TBC1D22A: variants seen among roughly 807,000 people sequenced by gnomAD.
The protein encoded by TBC1D22A is putative GTPase activator.
Under a neutral mutation model 60.2 loss-of-function variants are expected in TBC1D22A, and 38 were observed. The observed-to-expected ratio is 0.63, with a 90% confidence interval of 0.49 to 0.83. The LOEUF (loss-of-function observed/expected upper bound fraction) is 0.83, where lower values mean the gene tolerates loss of function less well. TBC1D22A is among the 40% of genes least tolerant of loss of function. The pLI is 0.00. For synonymous variants in TBC1D22A, 302 were observed against 281.7 expected (o/e 1.07, Z -0.72); for missense variants, 628 against 701.0 (o/e 0.90, Z 1.18).
rs147286236 is a variant in TBC1D22A at position 47,033,598 on chromosome 22, G to A, written c.1202-3473G>A. On this transcript the variant is annotated intron_variant, in intron 10 of 12. Coordinates refer to ENST00000337137, the MANE Select transcript of TBC1D22A (RefSeq NM_014346.5). Reference sequence around the variant, plus strand: ...CACCCTGAGCACTTATGCCCCTTTCGTGATAAATGCTTCCATAGAGGTGTG... The same window carrying A: ...CACCCTGAGCACTTATGCCCCTTTCATGATAAATGCTTCCATAGAGGTGTG... 1.1e-3 allele frequency among the ~76,000 whole-genome samples: 174 copies of A among 152,266 alleles called. 1 individual carries two copies. Among genetic ancestry groups the A allele is most frequent in the Non-Finnish European group, 1.9e-3 (130 of 68,020 alleles).
chr22:47,099,933 C>T (rs991418250), intron 11 of TBC1D22A, among the ~76,000 whole-genome samples: 15 of 152,174 alleles, frequency 9.9e-5, no homozygotes, highest in Non-Finnish European at 1.8e-4. Context: ...GTGTTTGACA[C>T]GGGCCCCAAA....
intron 12 of TBC1D22A, among the ~76,000 whole-genome samples, chr22:47,149,377 G>A (rs756180690): frequency 5.9e-5 from 9 of 152,358 alleles, no homozygotes; most frequent in Middle Eastern, 3.4e-3. Flanking sequence ...TTAATGAGAC[G>A]TTTAGCAAAA....
At chr22:46,909,318 A>ACACTCACT (rs773065718) in intron 7 of TBC1D22A, among the ~76,000 whole-genome samples, 5 of 152,210 alleles carry the variant, frequency 3.3e-5, no homozygotes, top group African/African-American at 9.6e-5. Flanking sequence ...ACACACTCAC[A>ACACTCACT]CACTCACTCA....
At position 47,162,637 on chromosome 22, in the gene TBC1D22A, G is replaced by A. The variant is rs1467923138; in HGVS notation, c.1426-10861G>A. Among the ~76,000 whole-genome samples, 12 of 52,294 alleles carry A rather than the reference G, an allele frequency of 2.3e-4. 1 individual carries two copies. Among genetic ancestry groups the A allele is most frequent in the African/African-American group, 6.4e-4 (11 of 17,130 alleles). 34.3% of individuals were successfully genotyped at this position (52,294 alleles called of 152,430 possible). ...GGAGTGGGACTGTGGACCCGGTGCAGGGAGAGTCGTGGGAATGGGACTGCG... is the reference window on the plus strand; with the variant it reads ...GGAGTGGGACTGTGGACCCGGTGCAAGGAGAGTCGTGGGAATGGGACTGCG... On this transcript the variant is annotated intron_variant, in intron 12 of 12. Coordinates refer to ENST00000337137, the MANE Select transcript of TBC1D22A (RefSeq NM_014346.5).
intron 4 of TBC1D22A, among the ~76,000 whole-genome samples, chr22:46,824,649 A>G (rs1462613584): frequency 6.6e-6 from 1 of 152,178 alleles, no homozygotes; most frequent in Non-Finnish European, 1.5e-5. Flanking sequence ...CTGTGGAGGT[A>G]GGAAGACCAG....
chr22:47,160,711 A>C (rs1298307794), intron 12 of TBC1D22A, among the ~76,000 whole-genome samples: 1 of 152,196 alleles, frequency 6.6e-6, no homozygotes, highest in Non-Finnish European at 1.5e-5. Flanking sequence ...CTGTTCTCTT[A>C]CTAAGTTTTC....
At chr22:47,074,186 G>A (rs2064114188) in intron 11 of TBC1D22A, among the ~76,000 whole-genome samples, 1 of 152,242 alleles carries the variant, frequency 6.6e-6, no homozygotes, top group Non-Finnish European at 1.5e-5. Flanking sequence ...AGGCAATGAA[G>A]CAATGATGTG....
At chr22:47,001,568 T>C (rs1365510702) in intron 10 of TBC1D22A, among the ~76,000 whole-genome samples, 1 of 152,126 alleles carries the variant, frequency 6.6e-6, no homozygotes, top group East Asian at 1.9e-4. Context: ...TATATGTCGT[T>C]TTGCTTCAGG....
chr22:47,038,296 A>AG (rs1262516814), intron 11 of TBC1D22A, among the ~76,000 whole-genome samples: 2 of 152,162 alleles, frequency 1.3e-5, no homozygotes, highest in Admixed American at 6.5e-5. Flanking sequence ...CAGGATTTGC[A>AG]GGGGGGCAGC....
chr22:47,003,717 TAC>T (rs1237491559), intron 10 of TBC1D22A, among the ~76,000 whole-genome samples: 15 of 101,942 alleles, frequency 1.5e-4, no homozygotes, highest in South Asian at 3.5e-4. Flanking sequence ...CATGCCTGTA[TAC>T]ACACACTCTA....
chr22:46,977,159 GA>G (rs2074331906), intron 9 of TBC1D22A, among the ~76,000 whole-genome samples: 1 of 152,198 alleles, frequency 6.6e-6, no homozygotes, highest in Admixed American at 6.5e-5. Flanking sequence ...TTTCCTAGCT[GA>G]AATACATAGA....
At chr22:46,788,104 T>C (rs1271306550) in intron 1 of TBC1D22A, among the ~76,000 whole-genome samples, 1 of 151,794 alleles carries the variant, frequency 6.6e-6, no homozygotes, top group African/African-American at 2.4e-5. Flanking sequence ...GACCGGGTAA[T>C]TTTTTGTATT....
rs1361559170 is a variant in TBC1D22A, at chr22:47,009,367, CCAT to C, written c.1201+11665_1201+11667del. 5.9e-5 allele frequency among the ~76,000 whole-genome samples: 9 copies of C among 151,624 alleles called. No homozygotes were observed. Among genetic ancestry groups the C allele is most frequent in the Non-Finnish European group, 8.8e-5 (6 of 67,922 alleles). ...ATCACCACCATCATCATCACCATCA[CCAT>C]CATCATTTCATCACCATCACCATCA... On this transcript the variant is annotated intron_variant, in intron 10 of 12. Coordinates refer to ENST00000337137, the MANE Select transcript of TBC1D22A (RefSeq NM_014346.5). This position sits in a 1 kb window ranked among gnomAD's most constrained non-coding sequence, Gnocchi z 5.8.
At chr22:46,943,844 C>T (rs1009088534) in intron 8 of TBC1D22A, among the ~76,000 whole-genome samples, 5 of 152,132 alleles carry the variant, frequency 3.3e-5, no homozygotes, top group Admixed American at 6.6e-5. Context: ...TTTCATTGAC[C>T]GTAATGTTTT....
At chr22:46,851,560 C>T (rs765527484) in intron 4 of TBC1D22A, among the ~76,000 whole-genome samples, 14 of 152,226 alleles carry the variant, frequency 9.2e-5, no homozygotes, top group Non-Finnish European at 2.1e-4. Flanking sequence ...TTTGCCTTGG[C>T]GCTCTTGCCT....
rs947758583 is a variant in TBC1D22A at position 46,793,507 on chromosome 22, C to G, written c.126C>G (p.Leu42=). Residue 42 remains leucine, a synonymous_variant, in exon 3 of 13, where the codon CTC becomes CTG. Transcript: ENST00000337137. Reference sequence around the variant, plus strand: ...GACTGCCTTTGCATTGCAGTTTGCTCAGGTCCACGGCCAAGATGCCGACCA... The same window carrying G: ...GACTGCCTTTGCATTGCAGTTTGCTGAGGTCCACGGCCAAGATGCCGACCA... The part of the protein sequence containing the change: ...PFDPLLHGTL[L]RSTAKMPTTP... 13 of 1,614,058 alleles carry G rather than the reference C, an allele frequency of 8.1e-6. No homozygotes were observed. The highest frequency in any genetic ancestry group is 1.1e-5 in the Non-Finnish European group (13 of 1,180,050).
rs990953648 is a variant in TBC1D22A, at chr22:46,907,134, T to TTGTG, written c.901-4931_901-4928dup. On this transcript the variant is annotated intron_variant, in intron 7 of 12. Transcript: ENST00000337137. ...CTCTTCTCCGTGCGTGTGCTCTTCT[T>TTGTG]TGTGTGTGTGTGCGTGTGTTCTTCT... Among the ~76,000 whole-genome samples, 3 of 151,496 alleles carry TTGTG rather than the reference T, an allele frequency of 2.0e-5. No homozygotes were observed. The South Asian group carries it at 6.3e-4, about 32-fold the overall frequency.
At chr22:47,134,012 C>A (rs1331954436) in intron 12 of TBC1D22A, among the ~76,000 whole-genome samples, 1 of 152,162 alleles carries the variant, frequency 6.6e-6, no homozygotes, top group African/African-American at 2.4e-5. Context: ...TGTGTCCACT[C>A]CAGTTATTCC....
intron 9 of TBC1D22A, among the ~76,000 whole-genome samples, chr22:46,995,409 A>G (rs1183352747): frequency 6.6e-6 from 1 of 152,134 alleles, no homozygotes; most frequent in East Asian, 1.9e-4. Flanking sequence ...GGAAAGAAAA[A>G]TCCTTAGGGC....
Sources: gnomAD v4.1 joint callset for allele counts (sites outside exome capture counted in the v4.1 genomes callset) on GRCh38, gnomAD v4.1.1 for gene constraint, Gnocchi (gnomAD v3.1) non-coding constraint, MANE v1.5 for transcripts, NCBI Gene and HGNC (gene_info 2026-07-23, HGNC 2026-07-21) for gene names.